NAV2: variants seen among roughly 807,000 people sequenced by gnomAD.
The protein encoded by NAV2 is neuron navigator 2, also known as helicase, APC down-regulated 1.
In NAV2, 54 loss-of-function variants were observed where a neutral mutation model predicts 223.2. The ratio of observed to expected loss-of-function variants is 0.24; its 90% CI spans 0.19 to 0.30. The LOEUF is 0.30. Among genes scored for constraint, NAV2 ranks in the 10% least tolerant of loss-of-function variants. The pLI, the probability that NAV2 is intolerant of heterozygous loss-of-function variation, is 1.00. For synonymous variants in NAV2, 1,279 were observed against 1,239.3 expected (o/e 1.03, Z -0.67); for missense variants, 2,806 against 3,147.5 (o/e 0.89, Z 2.60).
chr11:19,748,126 G>A (rs757128692), intron 1 of NAV2, among the ~76,000 whole-genome samples: 1 of 152,204 alleles, frequency 6.6e-6, no homozygotes, highest in African/African-American at 2.4e-5. Flanking sequence ...CAGTGGACTG[G>A]TGGAGGCAGA....
intron 10 of NAV2, among the ~76,000 whole-genome samples, chr11:19,963,864 C>T (rs563742393): frequency 3.9e-5 from 6 of 152,272 alleles, no homozygotes; most frequent in African/African-American, 1.2e-4. Flanking sequence ...CAATTCTGCA[C>T]AGTGATTTAC....
intron 5 of NAV2, among the ~76,000 whole-genome samples, chr11:19,881,879 TAAACA>T (rs1363192245): frequency 1.8e-4 from 27 of 152,276 alleles, no homozygotes; most frequent in African/African-American, 6.3e-4. Context: ...TGGAAGAGCA[TAAACA>T]AGGTTATTAT....
intron 1 of NAV2, among the ~76,000 whole-genome samples, chr11:19,411,427 A>G (rs899486300): frequency 2.4e-4 from 37 of 152,180 alleles, no homozygotes; most frequent in African/African-American, 8.2e-4. Context: ...AAGACCCTGG[A>G]GACACAGAGG....
In NAV2 at chr11:19,777,436, T is replaced by A. The variant is rs571356674; in HGVS notation, c.268-55048T>A. ...TTTTTTTTCCCCTCCTCCTTTTTCC[T>A]CTGCCCCTTCCTTCCTCGCCCTGAA... On this transcript the variant is annotated intron_variant, in intron 1 of 37. Transcript: ENST00000349880. 2.1e-3 allele frequency: 942 copies of A among 449,808 alleles called. 6 individuals are homozygous for A. Among genetic ancestry groups the A allele is most frequent in the African/African-American group, 0.017 (817 of 48,866 alleles). 27.9% of individuals were successfully genotyped at this position (449,808 alleles called of 1,614,324 possible). A position where few individuals can be genotyped will look rare whatever the true frequency, so the allele number is the denominator to read the frequency against.
At chr11:20,110,513 G>A (rs533850640) in intron 36 of NAV2, among the ~76,000 whole-genome samples, 76 of 152,240 alleles carry the variant, frequency 5.0e-4, no homozygotes, top group Middle Eastern at 3.4e-3. Context: ...TGAGGCTCAC[G>A]GACGTTCTTG....
At chr11:19,552,960 G>T (rs75007699) in intron 1 of NAV2, among the ~76,000 whole-genome samples, 1 of 152,150 alleles carries the variant, frequency 6.6e-6, no homozygotes, top group Admixed American at 6.5e-5. Flanking sequence ...GGAAAGGAAC[G>T]CGTAAGCTGA....
At chr11:19,694,263 G>C (rs1181154918) in intron 1 of NAV2, among the ~76,000 whole-genome samples, 2 of 152,210 alleles carry the variant, frequency 1.3e-5, no homozygotes, top group Admixed American at 6.5e-5. Flanking sequence ...GGGAGTTCTG[G>C]AGCTTAAATT....
intron 2 of NAV2, among the ~76,000 whole-genome samples, chr11:19,840,849 G>T (rs1565409364): frequency 6.6e-6 from 1 of 152,174 alleles, no homozygotes; most frequent in Non-Finnish European, 1.5e-5. Flanking sequence ...AGTATTTATT[G>T]TGTGGCTCCT....
intron 6 of NAV2, among the ~76,000 whole-genome samples, chr11:19,913,800 C>G (rs976674496): frequency 6.6e-6 from 1 of 152,218 alleles, no homozygotes; most frequent in Admixed American, 6.5e-5. Flanking sequence ...CGATAGTTAC[C>G]TGATGGATGG....
intron 1 of NAV2, among the ~76,000 whole-genome samples, chr11:19,548,949 AG>A (rs1399732451): frequency 3.3e-5 from 5 of 151,354 alleles, no homozygotes. Context: ...TATTAAGTAG[AG>A]GTGATGGATT....
rs2062274942 is a variant in NAV2, at chr11:19,868,921, C to G, written c.439-4C>G. 6.2e-7 allele frequency: 1 copy of G among 1,613,308 alleles called. No individual in the cohort carries two copies. The highest frequency in any genetic ancestry group is 1.3e-5 in the African/African-American group (1 of 74,848). On this transcript the variant is annotated splice_region_variant and splice_polypyrimidine_tract_variant and intron_variant, in intron 3 of 37. Transcript: ENST00000349880. ...AAGTATATATTGTTGTTTTTCCCTC[C>G]TAGATTGAAAACATAGATGCCTGCT...
chr11:19,483,871 G>C lies in NAV2; in HGVS notation c.75+132844G>C, dbSNP rs115561357. On this transcript the variant is annotated intron_variant, in intron 1 of 37. Transcript: ENST00000360655. ...TCAGAAGACAAGACTGGGGCACACA[G>C]AGGTAAAATGACATGCCCCAGGAAG... 8.2e-3 allele frequency among the ~76,000 whole-genome samples: 1,246 copies of C among 152,180 alleles called. 16 individuals carry two copies. Among genetic ancestry groups the C allele is most frequent in the African/African-American group, 0.029 (1,196 of 41,516 alleles).
At chr11:19,877,699 C>T (rs1591025834) in intron 4 of NAV2, among the ~76,000 whole-genome samples, 2 of 152,108 alleles carry the variant, frequency 1.3e-5, no homozygotes, top group Admixed American at 6.6e-5. Context: ...GTCTCAATCT[C>T]CTGACCTCGT....
intron 1 of NAV2, among the ~76,000 whole-genome samples, chr11:19,436,511 G>A (rs898753389): frequency 2.6e-4 from 40 of 152,200 alleles, no homozygotes; most frequent in African/African-American, 9.4e-4. Context: ...GTAGTGTGAT[G>A]CCACCAAGCT....
chr11:20,026,669 G>A (rs1018945429), intron 11 of NAV2, among the ~76,000 whole-genome samples: 1 of 152,156 alleles, frequency 6.6e-6, no homozygotes, highest in Non-Finnish European at 1.5e-5. Context: ...AAACTTTGAA[G>A]TCCTTCAAAG....
Position 20,097,810 on chromosome 11 carries a change from A to G in NAV2, c.6181+65A>G, listed in dbSNP as rs140630492. On this transcript the variant is annotated intron_variant, in intron 31 of 37. Transcript: ENST00000349880. ...TGCAGTGTTTGTTTTGTGACTTGGC[A>G]TAGGCACTTGTGGCCCCAGTTTTGT... 128 of 1,433,226 alleles carry G rather than the reference A, an allele frequency of 8.9e-5. No homozygotes were observed. The African/African-American group carries it at 1.5e-3, about 17-fold the overall frequency. 88.8% of individuals were successfully genotyped at this position (1,433,226 alleles called of 1,614,324 possible). A position where few individuals can be genotyped will look rare whatever the true frequency, so the allele number is the denominator to read the frequency against.
chr11:19,984,897 T>C (rs1367172004), intron 11 of NAV2, among the ~76,000 whole-genome samples: 1 of 152,210 alleles, frequency 6.6e-6, no homozygotes, highest in Non-Finnish European at 1.5e-5. Flanking sequence ...GAGCAACCGA[T>C]GAAGTGAGGA....
At chr11:19,911,927 G>T (rs1462426739) in intron 6 of NAV2, among the ~76,000 whole-genome samples, 1 of 152,160 alleles carries the variant, frequency 6.6e-6, no homozygotes, top group Non-Finnish European at 1.5e-5. Context: ...ATTCTAGTAG[G>T]TTTCAGCATC....
intron 1 of NAV2, among the ~76,000 whole-genome samples, chr11:19,351,637 T>G (rs1853319606): frequency 6.6e-6 from 1 of 152,030 alleles, no homozygotes; most frequent in Non-Finnish European, 1.5e-5. Flanking sequence ...TGGAGTAGCA[T>G]AGGGTGGTTG....
Sources: gnomAD v4.1 joint callset for allele counts (sites outside exome capture counted in the v4.1 genomes callset) on GRCh38, gnomAD v4.1.1 for gene constraint, MANE v1.5 for transcripts, NCBI Gene and HGNC (gene_info 2026-07-23, HGNC 2026-07-21) for gene names.